GABRG3: variants seen among roughly 807,000 people sequenced by gnomAD.
The protein encoded by GABRG3 is gamma-aminobutyric acid type A receptor subunit gamma3, also known as gamma-aminobutyric acid receptor subunit gamma-3.
In GABRG3, 25 loss-of-function variants were observed where a neutral mutation model predicts 48.8. That is an observed-to-expected ratio of 0.51 (90% CI 0.37 to 0.72). The LOEUF is 0.72. GABRG3 is among the 30% of genes least tolerant of loss of function. The pLI is 0.00. For missense variants in GABRG3, 394 were observed against 577.9 expected (o/e 0.68, Z 3.26); for synonymous variants, 227 against 217.6 (o/e 1.04, Z -0.38).
At position 27,457,969 on chromosome 15, in the gene GABRG3, C is replaced by T. The variant is rs529028347; in HGVS notation, c.575-22681C>T. Reference sequence around the variant, plus strand: ...ATGTAGCTGAAAGAGGAGGCAGAAACAGCCTGTGACCATCTGCTTTTGTCG... The same window carrying T: ...ATGTAGCTGAAAGAGGAGGCAGAAATAGCCTGTGACCATCTGCTTTTGTCG... On this transcript the variant is annotated intron_variant, in intron 5 of 9. Coordinates refer to ENST00000615808, the MANE Select transcript of GABRG3 (RefSeq NM_033223.5). The surrounding 1 kb of genome is among the most constrained non-coding windows in gnomAD (Gnocchi z 4.4). Among the ~76,000 whole-genome samples, 13 of 152,272 alleles carry T rather than the reference C, an allele frequency of 8.5e-5. No individual in the cohort carries two copies. Among genetic ancestry groups the T allele is most frequent in the Admixed American group, 3.9e-4 (6 of 15,306 alleles).
chr15:27,443,235 A>G (rs763765959), intron 5 of GABRG3, among the ~76,000 whole-genome samples: 2 of 152,206 alleles, frequency 1.3e-5, no homozygotes, highest in East Asian at 1.9e-4. Context: ...ACCATCTTCA[A>G]GCCAAGGGGA....
intron 3 of GABRG3, among the ~76,000 whole-genome samples, chr15:27,112,250 C>T (rs756832392): frequency 5.9e-5 from 9 of 152,044 alleles, no homozygotes; most frequent in Non-Finnish European, 8.8e-5. Context: ...CAGTGTTTTC[C>T]GGTGACTTCA....
chr15:27,441,049 C>G (rs928967977), intron 5 of GABRG3, among the ~76,000 whole-genome samples: 4 of 152,180 alleles, frequency 2.6e-5, no homozygotes, highest in African/African-American at 9.7e-5. Context: ...ACCTCTATCT[C>G]AGAAGCCCAA....
chr15:27,501,214 G>A (rs752897772), intron 6 of GABRG3, among the ~76,000 whole-genome samples: 1 of 152,170 alleles, frequency 6.6e-6, no homozygotes, highest in African/African-American at 2.4e-5. Context: ...GCCTCCCAAA[G>A]TGCTAGGATT....
rs928727963 is a variant in GABRG3, at chr15:26,974,384, C to T, written c.54-2618C>T. Among the ~76,000 whole-genome samples the T allele has an allele frequency of 2.0e-5, 3 of 151,958 alleles. No individual in the cohort carries two copies. Among genetic ancestry groups the T allele is most frequent in the African/African-American group, 2.4e-5 (1 of 41,338 alleles). On this transcript the variant is annotated intron_variant, in intron 1 of 9. Coordinates refer to ENST00000615808, the MANE Select transcript of GABRG3 (RefSeq NM_033223.5). The surrounding 1 kb of genome is among the most constrained non-coding windows in gnomAD (Gnocchi z 4.3). ...AAGTAATTTTTAAAAACTAAGGCTG[C>T]GTATATAGAGAATGATGAAAAGCTG...
intron 3 of GABRG3, among the ~76,000 whole-genome samples, chr15:27,054,925 T>C (rs17671585): frequency 0.039 from 5,877 of 151,906 alleles, 328 homozygotes; most frequent in East Asian, 0.16. Flanking sequence ...GTGGAATGGT[T>C]GTCAGCCACA....
At chr15:27,004,966 C>T (rs867012013) in intron 2 of GABRG3, among the ~76,000 whole-genome samples, 1 of 152,212 alleles carries the variant, frequency 6.6e-6, no homozygotes, top group Middle Eastern at 3.4e-3. Context: ...GCTCCATTGG[C>T]CCATCTGGGC....
intron 3 of GABRG3, among the ~76,000 whole-genome samples, chr15:27,069,166 G>A (rs934725783): frequency 6.6e-6 from 1 of 152,186 alleles, no homozygotes; most frequent in African/African-American, 2.4e-5. Context: ...CTTGAGACAT[G>A]GGTCTGCTCA....
chr15:27,408,249 G>T (rs1887696670), intron 5 of GABRG3, among the ~76,000 whole-genome samples: 1 of 152,186 alleles, frequency 6.6e-6, no homozygotes, highest in Non-Finnish European at 1.5e-5. Flanking sequence ...CCAGGTCTCA[G>T]AAATTGTATT....
At chr15:27,479,140 C>T (rs142276337) in intron 5 of GABRG3, among the ~76,000 whole-genome samples, 6 of 151,534 alleles carry the variant, frequency 4.0e-5, no homozygotes, top group African/African-American at 1.5e-4. Context: ...AAAAAAAAAC[C>T]CTGATTTGGA....
chr15:27,060,305 TC>T (rs1398980306), intron 3 of GABRG3, among the ~76,000 whole-genome samples: 4 of 152,324 alleles, frequency 2.6e-5, no homozygotes, highest in African/African-American at 9.6e-5. Flanking sequence ...TTGGTGCAAT[TC>T]CTCCTTGGCC....
intron 5 of GABRG3, among the ~76,000 whole-genome samples, chr15:27,408,978 C>G (rs1319455039): frequency 6.6e-6 from 1 of 152,040 alleles, no homozygotes; most frequent in Non-Finnish European, 1.5e-5. Context: ...AGTATTAAGC[C>G]AATTAAATGG....
At chr15:27,448,718 A>T (rs1889018167) in intron 5 of GABRG3, among the ~76,000 whole-genome samples, 1 of 152,224 alleles carries the variant, frequency 6.6e-6, no homozygotes, top group South Asian at 2.1e-4. Flanking sequence ...GAACTTACAA[A>T]ACTACACAAA....
At chr15:27,083,158 G>A (rs1045778544) in intron 3 of GABRG3, among the ~76,000 whole-genome samples, 2 of 152,136 alleles carry the variant, frequency 1.3e-5, no homozygotes, top group Non-Finnish European at 2.9e-5. Flanking sequence ...AAATGAGGCA[G>A]GGAAAAATAG....
intron 3 of GABRG3, among the ~76,000 whole-genome samples, chr15:27,128,224 T>C (rs1897854771): frequency 6.6e-6 from 1 of 152,166 alleles, no homozygotes; most frequent in Non-Finnish European, 1.5e-5. Flanking sequence ...TGGTTTGTTA[T>C]TGCGAATAGT....
intron 3 of GABRG3, among the ~76,000 whole-genome samples, chr15:27,292,817 A>G (rs1321684419): frequency 1.3e-5 from 2 of 152,234 alleles, no homozygotes; most frequent in Non-Finnish European, 2.9e-5. Context: ...CTATCACAGC[A>G]GCAAACAGAA....
At chr15:27,308,618 T>G (rs78589968) in intron 3 of GABRG3, among the ~76,000 whole-genome samples, 1 of 108,566 alleles carries the variant, frequency 9.2e-6, no homozygotes, top group Non-Finnish European at 2.4e-5. Flanking sequence ...AACATACGCT[T>G]ATATATAAAC....
chr15:27,084,889 C>T (rs988806687), intron 3 of GABRG3, among the ~76,000 whole-genome samples: 2 of 152,178 alleles, frequency 1.3e-5, no homozygotes, highest in Non-Finnish European at 2.9e-5. Flanking sequence ...CAACATAAAA[C>T]GTGGCTCTCC....
intron 3 of GABRG3, among the ~76,000 whole-genome samples, chr15:27,100,872 A>G (rs541903483): frequency 2.5e-4 from 38 of 152,370 alleles, no homozygotes; most frequent in Middle Eastern, 3.4e-3. Context: ...TACAGGTAGC[A>G]TCAAACTTGA....
Sources: gnomAD v4.1 joint callset for allele counts (sites outside exome capture counted in the v4.1 genomes callset) on GRCh38, gnomAD v4.1.1 for gene constraint, Gnocchi (gnomAD v3.1) non-coding constraint, MANE v1.5 for transcripts, NCBI Gene and HGNC (gene_info 2026-07-23, HGNC 2026-07-21) for gene names.